The following ZBTB8A variants were observed in gnomAD, a reference collection of about 807,000 sequenced individuals.
ZBTB8A encodes zinc finger and BTB domain containing 8A.
ZBTB8A carries 19 observed loss-of-function variants against 37.8 expected under a neutral mutation model. The ratio of observed to expected loss-of-function variants is 0.50; its 90% CI spans 0.35 to 0.74. The LOEUF (loss-of-function observed/expected upper bound fraction) is 0.74, where lower values mean the gene tolerates loss of function less well. ZBTB8A is among the 30% of genes least tolerant of loss of function. The pLI is 0.01. For missense variants in ZBTB8A, 394 were observed against 537.8 expected, an observed-to-expected ratio of 0.73 and a Z score of 2.65; for synonymous variants, 181 against 185.2, an observed-to-expected ratio of 0.98 and a Z score of 0.19.
At chr1:32,545,999 C>T (rs1299206261) in intron 1 of ZBTB8A, among the ~76,000 whole-genome samples, 3 of 152,172 alleles carry the variant, frequency 2.0e-5, no homozygotes, top group African/African-American at 7.2e-5. Context: ...AGACAGTGAG[C>T]TGCTTGAAAG....
chr1:32,560,450 CTCT>C (rs1234401571), intron 2 of ZBTB8A, among the ~76,000 whole-genome samples: 1 of 151,864 alleles, frequency 6.6e-6, no homozygotes. Flanking sequence ...CTTTTCCTTT[CTCT>C]TCTTCCTGAT....
chr1:32,547,602 G>A (rs1302563395), intron 1 of ZBTB8A, among the ~76,000 whole-genome samples: 4 of 134,396 alleles, frequency 3.0e-5, no homozygotes, highest in African/African-American at 1.1e-4. Flanking sequence ...ACTCCAGCCT[G>A]AGTGACAGAG....
At chr1:32,550,486 G>C (rs1225587516) in intron 1 of ZBTB8A, among the ~76,000 whole-genome samples, 1 of 152,070 alleles carries the variant, frequency 6.6e-6, no homozygotes, top group Non-Finnish European at 1.5e-5. Context: ...AGGTGTGGTG[G>C]TACACGTCTG....
chr1:32,578,582 A>C (rs1302568487), intron 2 of ZBTB8A, among the ~76,000 whole-genome samples: 1 of 152,022 alleles, frequency 6.6e-6, no homozygotes, highest in Non-Finnish European at 1.5e-5. Context: ...AAAATCTTTG[A>C]GTATATGTAT....
In ZBTB8A at chr1:32,601,937, T is replaced by C; in HGVS notation, c.*1518T>C. On this transcript the variant is annotated 3_prime_UTR_variant, in exon 5 of 5. Transcript: ENST00000373510. The stretch of plus-strand genomic sequence containing the variant: ...TGTAAATTTAAAGTATAAAACTATT[T>C]GAACAAATTATTCACTTAAATATGT... The C allele has an allele frequency of 2.9e-6, 1 of 348,558 alleles. No homozygotes were observed. Among genetic ancestry groups the C allele is most frequent in the Admixed American group, 4.7e-5 (1 of 21,316 alleles). The allele number at this position is 348,558 out of a possible 1,614,324, so 21.6% of individuals were successfully genotyped here. A position where few individuals can be genotyped will look rare whatever the true frequency, so the allele number is the denominator to read the frequency against.
At chr1:32,585,133 CA>C (rs796581195) in intron 2 of ZBTB8A, among the ~76,000 whole-genome samples, 6 of 148,838 alleles carry the variant, frequency 4.0e-5, no homozygotes, top group African/African-American at 1.5e-4. Context: ...TGGGCTCAAG[CA>C]ATCCTCCTAC....
chr1:32,549,110 C>A (rs1012184906), intron 1 of ZBTB8A, among the ~76,000 whole-genome samples: 1 of 152,106 alleles, frequency 6.6e-6, no homozygotes, highest in African/African-American at 2.4e-5. Context: ...ATCGCTTGAA[C>A]CCGGGAGGCA....
At chr1:32,560,788 G>A (rs1201221738) in intron 2 of ZBTB8A, among the ~76,000 whole-genome samples, 4 of 151,494 alleles carry the variant, frequency 2.6e-5, no homozygotes, top group Non-Finnish European at 5.9e-5. Flanking sequence ...ACTATGCCTG[G>A]CTAATTTTTC....
intron 2 of ZBTB8A, among the ~76,000 whole-genome samples, chr1:32,575,992 T>C (rs1158381704): frequency 1.3e-5 from 2 of 152,200 alleles, no homozygotes; most frequent in African/African-American, 4.8e-5. Context: ...CTCATCACAA[T>C]ATGCATTTCA....
intron 2 of ZBTB8A, among the ~76,000 whole-genome samples, chr1:32,577,456 CTT>C (rs569315100): frequency 1.9e-4 from 27 of 140,878 alleles, no homozygotes; most frequent in Admixed American, 2.9e-4. Flanking sequence ...TGCCGTCAGT[CTT>C]TTTTTTTTTT....
chr1:32,545,993 A>G (rs1012875202), intron 1 of ZBTB8A, among the ~76,000 whole-genome samples: 9 of 152,156 alleles, frequency 5.9e-5, no homozygotes. Flanking sequence ...CCTACTAGAC[A>G]GTGAGCTGCT....
chr1:32,558,740 A>G (rs1232734753), intron 2 of ZBTB8A, among the ~76,000 whole-genome samples: 3 of 152,198 alleles, frequency 2.0e-5, no homozygotes, highest in Non-Finnish European at 4.4e-5. Flanking sequence ...GAAGGAGTAC[A>G]TTTCAGCGGT....
At chr1:32,584,811 T>C (rs1183215306) in intron 2 of ZBTB8A, among the ~76,000 whole-genome samples, 1 of 151,570 alleles carries the variant, frequency 6.6e-6, no homozygotes, top group African/African-American at 2.4e-5. Context: ...TAAGCCACCA[T>C]GCCCAGCCTA....
At position 32,539,558 on chromosome 1, in the gene ZBTB8A, G is replaced by A. The variant is rs951213097; in HGVS notation, c.-98G>A. 4 of 149,686 alleles carry A rather than the reference G, an allele frequency of 2.7e-5. No individual in the cohort carries two copies. Among genetic ancestry groups the A allele is most frequent in the African/African-American group, 9.7e-5 (4 of 41,144 alleles). The allele number at this position is 149,686 out of a possible 1,614,324, so 9.3% of individuals were successfully genotyped here. On this transcript the variant is annotated 5_prime_UTR_variant, in exon 1 of 5. Coordinates refer to ENST00000373510, the MANE Select transcript of ZBTB8A (RefSeq NM_001040441.3). Reference sequence around the variant, plus strand: ...CGGCCCGCGCGCGCGACCGGCCGGTGCGCCGCGGCCCGCGGTAAGTGGCTG... The same window carrying A: ...CGGCCCGCGCGCGCGACCGGCCGGTACGCCGCGGCCCGCGGTAAGTGGCTG...
At chr1:32,574,207 T>C (rs1644344235) in intron 2 of ZBTB8A, among the ~76,000 whole-genome samples, 1 of 152,248 alleles carries the variant, frequency 6.6e-6, no homozygotes, top group Non-Finnish European at 1.5e-5. Context: ...AGAAGTTTAA[T>C]GTTTAATTTC....
At position 32,600,487 on chromosome 1, in the gene ZBTB8A, T is replaced by C; in HGVS notation, c.*68T>C. 1 of 1,223,588 alleles carries C rather than the reference T, an allele frequency of 8.2e-7. No individual in the cohort carries two copies. 75.8% of individuals were successfully genotyped at this position (1,223,588 alleles called of 1,614,324 possible). On this transcript the variant is annotated 3_prime_UTR_variant, in exon 5 of 5. Transcript: ENST00000373510. ...TTGACTTCCTGTATCTCTCTCTTTC[T>C]ATGGTCGGAGTCTAGTTAACAAATT...
chr1:32,574,695 A>G (rs1346282820), intron 2 of ZBTB8A, among the ~76,000 whole-genome samples: 2 of 152,186 alleles, frequency 1.3e-5, no homozygotes, highest in African/African-American at 2.4e-5. Context: ...CTTAAAAAGA[A>G]TGTATATTTT....
intron 2 of ZBTB8A, among the ~76,000 whole-genome samples, chr1:32,554,774 C>T (rs1349684458): frequency 3.3e-5 from 5 of 152,076 alleles, no homozygotes; most frequent in Admixed American, 2.6e-4. Context: ...CCACCGCACC[C>T]GGCTTTATCT....
intron 1 of ZBTB8A, among the ~76,000 whole-genome samples, chr1:32,550,660 T>C (rs190624909): frequency 3.6e-4 from 54 of 151,044 alleles, no homozygotes; most frequent in African/African-American, 1.1e-3. Flanking sequence ...TCAGTTCTCT[T>C]AAAAAGCCAC....
Sources: gnomAD v4.1 joint callset for allele counts (sites outside exome capture counted in the v4.1 genomes callset) on GRCh38, gnomAD v4.1.1 for gene constraint, MANE v1.5 for transcripts, NCBI Gene and HGNC (gene_info 2026-07-23, HGNC 2026-07-21) for gene names.